The following PBX1 variants were observed in gnomAD, a reference collection of about 807,000 sequenced individuals.
The protein encoded by PBX1 is pre-B-cell leukemia transcription factor 1.
A neutral mutation model predicts 53.4 loss-of-function variants in PBX1; 6 were observed. The ratio of observed to expected loss-of-function variants is 0.11; its 90% CI spans 0.06 to 0.22. The LOEUF (loss-of-function observed/expected upper bound fraction) is 0.22, where lower values mean the gene tolerates loss of function less well. PBX1 is among the 10% of genes least tolerant of loss of function. The probability of loss-of-function intolerance (pLI) is 1.00; values close to 1 mark genes in which losing one functional copy is unlikely to be tolerated. For missense variants in PBX1, 251 were observed against 551.4 expected, an observed-to-expected ratio of 0.46 and a Z score of 5.46; for synonymous variants, 204 against 212.3, an observed-to-expected ratio of 0.96 and a Z score of 0.34.
chr1:164,843,571 G>A (rs74118234), intron 8 of PBX1, among the ~76,000 whole-genome samples: 1,547 of 151,970 alleles, frequency 0.01, 21 homozygotes, highest in African/African-American at 0.036. Context: ...AAAAAGGGGA[G>A]TGAAAGAGGT....
At chr1:164,692,753 A>G (rs1662566187) in intron 2 of PBX1, among the ~76,000 whole-genome samples, 2 of 152,210 alleles carry the variant, frequency 1.3e-5, no homozygotes, top group Admixed American at 1.3e-4. Context: ...TTGTAAATGC[A>G]TTAACTACTC....
At chr1:164,884,496 G>T (rs917967291) in intron 2 of PBX1, 2 of 484,162 alleles carry the variant, frequency 4.1e-6, no homozygotes, top group Non-Finnish European at 8.1e-6. Flanking sequence ...TGTGGATAGG[G>T]GGTGTTAAAG....
Position 164,849,434 on chromosome 1 carries a change from A to G in PBX1, c.*2758A>G. ...TCCACATTAGGCGAAGCAGGAGAAC[A>G]CTGAGAGCAGCAGGATGGGTTTGGA... On this transcript the variant is annotated 3_prime_UTR_variant, in exon 9 of 9. Transcript: ENST00000420696. The G allele has an allele frequency of 1.3e-6, 2 of 1,535,408 alleles. No individual in the cohort carries two copies. Among genetic ancestry groups the G allele is most frequent in the Non-Finnish European group, 1.7e-6 (2 of 1,146,660 alleles).
At chr1:164,736,073 G>A (rs1401470848) in intron 2 of PBX1, among the ~76,000 whole-genome samples, 1 of 152,072 alleles carries the variant, frequency 6.6e-6, no homozygotes, top group Admixed American at 6.5e-5. Context: ...CAAAAGATGA[G>A]GCCATCCTGG....
intron 2 of PBX1, among the ~76,000 whole-genome samples, chr1:164,649,963 A>G (rs1379476385): frequency 6.6e-6 from 1 of 152,222 alleles, no homozygotes; most frequent in African/African-American, 2.4e-5. Context: ...TTTGGCTTTA[A>G]AATATGGTCT....
intron 4 of PBX1, among the ~76,000 whole-genome samples, chr1:164,806,456 G>C (rs901638537): frequency 1.2e-4 from 19 of 152,102 alleles, no homozygotes; most frequent in African/African-American, 4.6e-4. Flanking sequence ...AGTCAGTTCT[G>C]TGCCCTCTTC....
intron 2 of PBX1, among the ~76,000 whole-genome samples, chr1:164,763,242 C>G (rs1666898317): frequency 6.6e-6 from 1 of 152,186 alleles, no homozygotes; most frequent in African/African-American, 2.4e-5. Context: ...AAAACTTAGG[C>G]TCCTTCCTGA....
intron 2 of PBX1, among the ~76,000 whole-genome samples, chr1:164,610,050 C>T (rs1033100727): frequency 2.6e-5 from 4 of 152,118 alleles, no homozygotes; most frequent in South Asian, 2.1e-4. Context: ...TGCCCTCTGT[C>T]GAAGGGCCCC....
chr1:164,836,535 T>C (rs1056560583), intron 8 of PBX1, among the ~76,000 whole-genome samples: 2 of 152,226 alleles, frequency 1.3e-5, no homozygotes, highest in Non-Finnish European at 2.9e-5. Context: ...GCTCTTGTTT[T>C]CATTTCATCA....
At chr1:164,803,444 T>C (rs1333305117) in intron 4 of PBX1, among the ~76,000 whole-genome samples, 3 of 152,252 alleles carry the variant, frequency 2.0e-5, no homozygotes, top group Non-Finnish European at 4.4e-5. Context: ...GAGTGCTTAC[T>C]ATATGCGTGA....
intron 2 of PBX1, among the ~76,000 whole-genome samples, chr1:164,716,216 T>C (rs971561005): frequency 2.0e-5 from 3 of 152,228 alleles, no homozygotes; most frequent in African/African-American, 7.2e-5. Flanking sequence ...CCCACTGATC[T>C]ATGCAAGGCA....
intron 2 of PBX1, among the ~76,000 whole-genome samples, chr1:164,572,966 G>A (rs1433561590): frequency 1.3e-5 from 2 of 151,984 alleles, no homozygotes; most frequent in East Asian, 1.9e-4. Context: ...TAAAAGTCTC[G>A]GGCAAAACGC....
At chr1:164,746,179 C>A (rs1388760611) in intron 2 of PBX1, among the ~76,000 whole-genome samples, 2 of 152,112 alleles carry the variant, frequency 1.3e-5, no homozygotes, top group African/African-American at 2.4e-5. Context: ...AGGTATGTTT[C>A]CTGTGTTTGG....
intron 4 of PBX1, among the ~76,000 whole-genome samples, chr1:164,801,713 G>A (rs1669083616): frequency 6.6e-6 from 1 of 152,148 alleles, no homozygotes; most frequent in Non-Finnish European, 1.5e-5. Context: ...TCTTTTTCTT[G>A]CTTTGGTTAC....
intron 4 of PBX1, among the ~76,000 whole-genome samples, chr1:164,805,920 A>G (rs902370177): frequency 6.6e-6 from 1 of 152,148 alleles, no homozygotes; most frequent in African/African-American, 2.4e-5. Context: ...CTTCCGGTAA[A>G]ATCAGGCACT....
Position 164,812,133 on chromosome 1 carries a change from A to C in PBX1, c.981A>C (p.Ser327=). The C allele has an allele frequency of 1.2e-6, 2 of 1,611,174 alleles. No individual in the cohort carries two copies. ...SAHGSQANSP[S]TPNSAGSSSS... is the part of the protein sequence containing the mutation. ...ATGGAAGCCAAGCTAACTCGCCCTC[A>C]ACTCCCAACTCGGCTGGTTAGTTTT... The change falls in exon 6 of 9, where the codon TCA becomes TCC. Residue 327 remains serine, a synonymous_variant. Coordinates refer to ENST00000420696, the MANE Select transcript of PBX1 (RefSeq NM_002585.4).
At chr1:164,741,635 G>A (rs1411164161) in intron 2 of PBX1, among the ~76,000 whole-genome samples, 2 of 152,068 alleles carry the variant, frequency 1.3e-5, no homozygotes, top group African/African-American at 4.8e-5. Context: ...AATGGTAACA[G>A]TGCTTTAATA....
At chr1:164,832,661 A>G (rs1397456721) in intron 8 of PBX1, among the ~76,000 whole-genome samples, 6 of 152,124 alleles carry the variant, frequency 3.9e-5, no homozygotes, top group Non-Finnish European at 8.8e-5. Flanking sequence ...AATAGAAAAT[A>G]TAATTTAAAA....
chr1:164,879,596 C>T (rs1672597447), intron 2 of PBX1, among the ~76,000 whole-genome samples: 1 of 152,110 alleles, frequency 6.6e-6, no homozygotes, highest in Non-Finnish European at 1.5e-5. Context: ...TGAAGATCAG[C>T]ATATAGGACA....
Sources: allele counts gnomAD v4.1 joint callset (sites outside exome capture counted in the v4.1 genomes callset), GRCh38; gene constraint gnomAD v4.1.1; transcripts MANE v1.5; gene names NCBI Gene and HGNC (gene_info 2026-07-23, HGNC 2026-07-21).